XIRP2: variants seen among roughly 807,000 people sequenced by gnomAD.
XIRP2 encodes xin actin-binding repeat-containing protein 2.
Under a neutral mutation model 277.0 loss-of-function variants are expected in XIRP2, and 236 were observed. The observed-to-expected ratio is 0.85, with a 90% CI of 0.77 to 0.95. The LOEUF (loss-of-function observed/expected upper bound fraction) is 0.95. Ranked by LOEUF, XIRP2 falls within the 40% of genes least tolerant of loss-of-function variation. XIRP2 has a pLI of 0.00. For synonymous variants in XIRP2, 1,490 were observed against 1,416.5 expected, an observed-to-expected ratio of 1.05 and a Z score of -1.17; for missense variants, 4,640 against 4,157.5, an observed-to-expected ratio of 1.12 and a Z score of -3.19.
chr2:166,961,131 G>A (rs886112753), intron 2 of XIRP2, among the ~76,000 whole-genome samples: 1 of 151,704 alleles, frequency 6.6e-6, no homozygotes, highest in Non-Finnish European at 1.5e-5. Flanking sequence ...ATTTTTTGCA[G>A]AGAGCAGAAT....
intron 3 of XIRP2, among the ~76,000 whole-genome samples, chr2:167,207,779 T>C (rs549276589): frequency 1.3e-5 from 2 of 152,308 alleles, no homozygotes; most frequent in African/African-American, 2.4e-5. Flanking sequence ...TTATATTATA[T>C]TGAAATTAAA....
intron 4 of XIRP2, among the ~76,000 whole-genome samples, chr2:167,213,615 A>G (rs568527441): frequency 5.4e-5 from 8 of 147,510 alleles, no homozygotes; most frequent in Middle Eastern, 6.8e-3. Flanking sequence ...ACACAAAGCA[A>G]TTTCAGTTAT....
chr2:166,943,764 C>G (rs1685783415), intron 2 of XIRP2, among the ~76,000 whole-genome samples: 1 of 152,182 alleles, frequency 6.6e-6, no homozygotes, highest in Non-Finnish European at 1.5e-5. Flanking sequence ...TTCATTGAGT[C>G]TCTTCCTTTT....
At chr2:167,112,181 G>C (rs960321645) in intron 2 of XIRP2, among the ~76,000 whole-genome samples, 3 of 151,726 alleles carry the variant, frequency 2.0e-5, no homozygotes, top group African/African-American at 7.3e-5. Context: ...CTCTGATTTT[G>C]GTTATTTCTT....
intron 2 of XIRP2, among the ~76,000 whole-genome samples, chr2:167,018,333 C>T (rs1450785243): frequency 6.6e-6 from 1 of 151,936 alleles, no homozygotes; most frequent in African/African-American, 2.4e-5. Flanking sequence ...CCTTGCACCA[C>T]TCTTAATACT....
At chr2:167,220,733 G>T (rs1004752794) in intron 5 of XIRP2, among the ~76,000 whole-genome samples, 8 of 152,166 alleles carry the variant, frequency 5.3e-5, no homozygotes, top group Admixed American at 2.0e-4. Flanking sequence ...GTAGCAAGAG[G>T]ATGCTGATTG....
At chr2:167,177,787 T>G (rs1056127415) in intron 3 of XIRP2, among the ~76,000 whole-genome samples, 13 of 152,188 alleles carry the variant, frequency 8.5e-5, no homozygotes, top group Non-Finnish European at 1.9e-4. Context: ...AATTTAGCCC[T>G]TTAGAGGGCA....
chr2:166,930,952 T>C (rs1685319078), intron 2 of XIRP2, among the ~76,000 whole-genome samples: 1 of 152,164 alleles, frequency 6.6e-6, no homozygotes, highest in African/African-American at 2.4e-5. Context: ...ACAAATATGA[T>C]TGCTAATTCC....
chr2:167,069,695 C>G (rs1218449654), intron 2 of XIRP2, among the ~76,000 whole-genome samples: 1 of 152,150 alleles, frequency 6.6e-6, no homozygotes, highest in Non-Finnish European at 1.5e-5. Context: ...AAGCTTTAAC[C>G]TAGATTCTGT....
chr2:166,980,597 T>C (rs561553259), intron 2 of XIRP2, among the ~76,000 whole-genome samples: 11 of 152,186 alleles, frequency 7.2e-5, no homozygotes, highest in African/African-American at 2.6e-4. Flanking sequence ...TTTGTACTTT[T>C]AGTAGAGATG....
Position 167,247,318 on chromosome 2 carries a change from C to T in XIRP2, c.5926C>T (p.Leu1976Phe). The T allele has an allele frequency of 6.2e-7, 1 of 1,613,674 alleles. No individual in the cohort carries two copies. The highest frequency in any genetic ancestry group is 1.1e-5 in the South Asian group (1 of 91,072). ...QVAVQRNKNS[L>F]LQPKPGPFEP... ...TGCTGTCCAGAGGAACAAAAATAGT[C>T]TTCTTCAGCCAAAGCCAGGTCCATT... The change falls in exon 9 of 11, where the codon CTT (leucine) becomes TTT (phenylalanine). Residue 1976 changes from leucine to phenylalanine, a missense_variant. By Grantham distance (22) the Leu-to-Phe change is conservative. Coordinates refer to ENST00000409195, the MANE Select transcript of XIRP2 (RefSeq NM_152381.6).
At chr2:167,253,542 G>T (rs1438039476) in intron 9 of XIRP2, among the ~76,000 whole-genome samples, 3 of 151,728 alleles carry the variant, frequency 2.0e-5, no homozygotes, top group Non-Finnish European at 4.4e-5. Flanking sequence ...AAAAACATAT[G>T]TATTTTAGAA....
Position 166,933,085 on chromosome 2 carries a change from CAT to C in XIRP2, c.408+29197_408+29198del, listed in dbSNP as rs998238989. On this transcript the variant is annotated intron_variant, in intron 2 of 10. Transcript: ENST00000409195. ...GTTAATCTACACACACACACACACA[CAT>C]ACACACACACACACAAACATGCACC... Among the ~76,000 whole-genome samples the C allele has an allele frequency of 6.4e-4, 97 of 151,730 alleles. 1 individual carries two copies. The highest frequency in any genetic ancestry group is 1.9e-4 in the East Asian group (1 of 5,164).
intron 2 of XIRP2, among the ~76,000 whole-genome samples, chr2:166,938,835 A>C (rs1685603627): frequency 6.6e-6 from 1 of 152,152 alleles, no homozygotes; most frequent in South Asian, 2.1e-4. Flanking sequence ...GGATCCCTTT[A>C]CCATTATGTA....
intron 5 of XIRP2, among the ~76,000 whole-genome samples, chr2:167,226,024 GC>G (rs1256445227): frequency 6.6e-6 from 1 of 152,172 alleles, no homozygotes; most frequent in Non-Finnish European, 1.5e-5. Flanking sequence ...GCTGGTTGAT[GC>G]AGAATTCAGA....
In XIRP2 at chr2:166,979,264, C is replaced by T. The variant is rs75529674; in HGVS notation, c.408+75374C>T. Among the ~76,000 whole-genome samples, 928 of 151,972 alleles carry T rather than the reference C, an allele frequency of 6.1e-3. 74 individuals are homozygous for T. In the East Asian group the frequency reaches 0.16, roughly 26 times the overall value. On this transcript the variant is annotated intron_variant, in intron 2 of 10. Coordinates refer to ENST00000409195, the MANE Select transcript of XIRP2 (RefSeq NM_152381.6). ...GCATTTTCAATTGGCTCTAGGATAC[C>T]GTGTGTCTGTCTTCCCAATTAAGGT... is the stretch of plus-strand genomic sequence containing the variant.
At chr2:167,084,727 G>C (rs1018907936) in intron 2 of XIRP2, among the ~76,000 whole-genome samples, 9 of 151,452 alleles carry the variant, frequency 5.9e-5, no homozygotes, top group African/African-American at 2.2e-4. Flanking sequence ...GTTTATTTGC[G>C]TAGAGGTGTT....
chr2:167,028,463 A>G (rs1444664737), intron 2 of XIRP2, among the ~76,000 whole-genome samples: 2 of 152,078 alleles, frequency 1.3e-5, no homozygotes, highest in African/African-American at 4.8e-5. Context: ...CACCAAGGCA[A>G]TATCTCTATG....
rs199793262 is a variant in XIRP2 at position 167,245,115 on chromosome 2, G to C, written c.3723G>C (p.Trp1241Cys). 1 of 1,610,574 alleles carries C rather than the reference G, an allele frequency of 6.2e-7. No individual in the cohort carries two copies. The highest frequency in any genetic ancestry group is 8.5e-7 in the Non-Finnish European group (1 of 1,179,034). ...AAGGCAATGTTTTAAATTGTAGGTG[G>C]CTTTTTGAAAACCAACCAATTGATA... ...IQKGNVLNCR[W>C]LFENQPIDKI... The change falls in exon 9 of 11, where the codon TGG (tryptophan) becomes TGC (cysteine). Residue 1241 changes from tryptophan to cysteine, a missense_variant. Trp to Cys is a radical substitution (Grantham distance 215). Coordinates refer to ENST00000409195, the MANE Select transcript of XIRP2 (RefSeq NM_152381.6).
Sources: gnomAD v4.1 joint callset for allele counts (sites outside exome capture counted in the v4.1 genomes callset) on GRCh38, gnomAD v4.1.1 for gene constraint, MANE v1.5 for transcripts, NCBI Gene and HGNC (gene_info 2026-07-23, HGNC 2026-07-21) for gene names.